AKAP6: variants seen among roughly 807,000 people sequenced by gnomAD.
AKAP6 encodes the protein A-kinase anchor protein 6.
In AKAP6, 58 loss-of-function variants were observed where a neutral mutation model predicts 188.5. The observed-to-expected ratio is 0.31, with a 90% CI of 0.25 to 0.38. The LOEUF (loss-of-function observed/expected upper bound fraction) is 0.38. AKAP6 is among the 10% of genes least tolerant of loss of function. The pLI is 1.00. For missense variants in AKAP6, 2,710 were observed against 2,740.0 expected (o/e 0.99, Z 0.24); for synonymous variants, 989 against 998.6 (o/e 0.99, Z 0.18).
At chr14:32,470,130 A>T (rs548813010) in intron 2 of AKAP6, among the ~76,000 whole-genome samples, 211 of 152,186 alleles carry the variant, frequency 1.4e-3, no homozygotes, top group Middle Eastern at 3.4e-3. Context: ...CATCACTAAA[A>T]AACCCACAAA....
chr14:32,470,776 T>C (rs1878734042), intron 2 of AKAP6, among the ~76,000 whole-genome samples: 2 of 152,242 alleles, frequency 1.3e-5, no homozygotes, highest in African/African-American at 4.8e-5. Context: ...ATTTAAAGCT[T>C]GATTTTTCTT....
chr14:32,694,981 G>C (rs1890343760), intron 8 of AKAP6, among the ~76,000 whole-genome samples: 1 of 152,128 alleles, frequency 6.6e-6, no homozygotes, highest in Non-Finnish European at 1.5e-5. Flanking sequence ...GTGATTTTGA[G>C]GGGTAAAGGA....
chr14:32,735,792 A>C lies in AKAP6; in HGVS notation c.3282A>C (p.Leu1094=). 1 of 1,613,572 alleles carries C rather than the reference A, an allele frequency of 6.2e-7. No individual in the cohort carries two copies. Among genetic ancestry groups the C allele is most frequent in the Non-Finnish European group, 8.5e-7 (1 of 1,179,718 alleles). The part of the protein sequence containing the change: ...EVRIKELKGW[L]RDTELFIFNS... ...GGATCAAAGAACTGAAAGGATGGCT[A>C]AGAGATACAGAGCTTTTCATCTTCA... The change falls in exon 11 of 14, where the codon CTA becomes CTC. Residue 1094 remains leucine (L), a synonymous_variant. Coordinates refer to ENST00000280979, the MANE Select transcript of AKAP6 (RefSeq NM_004274.5).
chr14:32,683,609 A>G (rs1472029903), intron 8 of AKAP6, among the ~76,000 whole-genome samples: 2 of 152,194 alleles, frequency 1.3e-5, no homozygotes, highest in African/African-American at 4.8e-5. Context: ...AGGCAGTGGG[A>G]CACAAAAGGT....
intron 7 of AKAP6, among the ~76,000 whole-genome samples, chr14:32,652,243 A>C (rs73264819): frequency 0.018 from 2,778 of 152,206 alleles, 79 homozygotes; most frequent in African/African-American, 0.063. Context: ...TTAGCAATAG[A>C]AGCTGAAAAT....
intron 7 of AKAP6, among the ~76,000 whole-genome samples, chr14:32,652,795 A>T (rs967825026): frequency 1.3e-5 from 2 of 152,156 alleles, no homozygotes; most frequent in Non-Finnish European, 1.5e-5. Flanking sequence ...GCTCATGCGT[A>T]TAATCCCAAC....
intron 9 of AKAP6, among the ~76,000 whole-genome samples, chr14:32,730,100 G>A (rs189904687): frequency 1.3e-5 from 2 of 152,202 alleles, no homozygotes; most frequent in African/African-American, 2.4e-5. Context: ...TACACATACA[G>A]CTTGAGCCCC....
At chr14:32,820,192 T>A (rs1183901059) in intron 12 of AKAP6, among the ~76,000 whole-genome samples, 2 of 152,024 alleles carry the variant, frequency 1.3e-5, no homozygotes. Flanking sequence ...GCCATACTCA[T>A]CTGCTTGGCT....
intron 7 of AKAP6, among the ~76,000 whole-genome samples, chr14:32,619,484 G>A (rs1397041012): frequency 6.6e-6 from 1 of 152,044 alleles, no homozygotes; most frequent in African/African-American, 2.4e-5. Flanking sequence ...TTGGTTGTAA[G>A]TATTTGCCTT....
At chr14:32,663,886 A>C (rs722425) in intron 7 of AKAP6, among the ~76,000 whole-genome samples, 49,455 of 151,940 alleles carry the variant, frequency 0.33, 8,567 homozygotes, top group Admixed American at 0.45. Flanking sequence ...GTCTTCCTAC[A>C]TAAGGGGGGG....
intron 1 of AKAP6, among the ~76,000 whole-genome samples, chr14:32,411,529 A>G (rs1361479382): frequency 1.3e-5 from 2 of 152,118 alleles, no homozygotes; most frequent in African/African-American, 4.8e-5. Context: ...GACTCCCAAG[A>G]GAGGGAATCT....
At chr14:32,648,954 A>G in intron 7 of AKAP6, among the ~76,000 whole-genome samples, 1 of 152,174 alleles carries the variant, frequency 6.6e-6, no homozygotes, top group East Asian at 1.9e-4. Context: ...CAGATAGCCA[A>G]TTTAATTATG....
At chr14:32,762,875 T>A (rs1278401055) in intron 11 of AKAP6, among the ~76,000 whole-genome samples, 1 of 152,076 alleles carries the variant, frequency 6.6e-6, no homozygotes, top group East Asian at 1.9e-4. Context: ...AAAGGTCAGT[T>A]CAATAAGGCC....
chr14:32,834,073 T>A lies in AKAP6; in HGVS notation c.*4268T>A, dbSNP rs2034848647. On this transcript the variant is annotated 3_prime_UTR_variant, in exon 14 of 14. Coordinates refer to ENST00000280979, the MANE Select transcript of AKAP6 (RefSeq NM_004274.5). ...GAGAACATGGGTATTCTTCTGCAAG[T>A]CTACAATACCATCTTCATACTCAAG... 6.6e-6 allele frequency: 1 copy of A among 152,230 alleles called. No individual in the cohort carries two copies. The highest frequency in any genetic ancestry group is 2.1e-4 in the South Asian group (1 of 4,836). The allele number at this position is 152,230 out of a possible 1,614,324, so 9.4% of individuals were successfully genotyped here. A position where few individuals can be genotyped will look rare whatever the true frequency, so the allele number is the denominator to read the frequency against.
chr14:32,500,384 A>G (rs1002141949), intron 2 of AKAP6, among the ~76,000 whole-genome samples: 53 of 152,282 alleles, frequency 3.5e-4, no homozygotes, highest in African/African-American at 1.3e-3. Flanking sequence ...ATTATGTCTG[A>G]ATGTGATTCT....
intron 2 of AKAP6, among the ~76,000 whole-genome samples, chr14:32,478,066 T>C (rs564552030): frequency 6.6e-6 from 1 of 152,340 alleles, no homozygotes; most frequent in East Asian, 1.9e-4. Context: ...AGTGAATCTT[T>C]CACATAGCTT....
At chr14:32,563,068 A>G (rs1884025387) in intron 4 of AKAP6, among the ~76,000 whole-genome samples, 1 of 152,122 alleles carries the variant, frequency 6.6e-6, no homozygotes, top group African/African-American at 2.4e-5. Context: ...CACCTTGCTC[A>G]TGGTACCAAA....
chr14:32,589,963 C>G (rs1441075447), intron 5 of AKAP6, among the ~76,000 whole-genome samples: 1 of 152,062 alleles, frequency 6.6e-6, no homozygotes, highest in East Asian at 1.9e-4. Context: ...CATGAGCTTA[C>G]CCTACTTCTC....
chr14:32,470,529 C>T (rs1329722268), intron 2 of AKAP6, among the ~76,000 whole-genome samples: 4 of 152,190 alleles, frequency 2.6e-5, no homozygotes, highest in Non-Finnish European at 5.9e-5. Context: ...AGGCACAGTC[C>T]TTTCCCACTG....
Sources: allele counts gnomAD v4.1 joint callset (sites outside exome capture counted in the v4.1 genomes callset), GRCh38; gene constraint gnomAD v4.1.1; transcripts MANE v1.5; gene names NCBI Gene and HGNC (gene_info 2026-07-23, HGNC 2026-07-21).